Variants in BFAR observed in about 807,000 individuals in gnomAD.
The protein encoded by BFAR is RING finger protein 47.
BFAR carries 52 observed loss-of-function variants against 54.4 expected under a neutral mutation model. That is an observed-to-expected ratio of 0.96 (90% CI 0.77 to 1.21). The LOEUF (loss-of-function observed/expected upper bound fraction) is 1.21, where lower values mean the gene tolerates loss of function less well. Among genes scored for constraint, BFAR ranks in the 50% most tolerant of loss-of-function variants. The pLI is 0.00. For synonymous variants in BFAR, 215 were observed against 204.3 expected (o/e 1.05, Z -0.45); for missense variants, 571 against 534.0 (o/e 1.07, Z -0.68).
intron 5 of BFAR, 83 bp from the exon 6 acceptor site, chr16:14,661,809 A>G (rs2151844054): frequency 1.3e-6 from 2 of 1,490,098 alleles, no homozygotes; most frequent in East Asian, 4.5e-5. Flanking sequence ...GGCTGATGGC[A>G]ACAAGCGAGA....
chr16:14,635,532 G>A (rs1454533177), intron 1 of BFAR, among the ~76,000 whole-genome samples: 2 of 151,936 alleles, frequency 1.3e-5, no homozygotes, highest in Non-Finnish European at 2.9e-5. Context: ...AATGAAAGAG[G>A]GCAGGCTCCA....
At chr16:14,654,330 A>G (rs777348660) in intron 4 of BFAR, among the ~76,000 whole-genome samples, 5 of 151,820 alleles carry the variant, frequency 3.3e-5, no homozygotes, top group Admixed American at 1.3e-4. Flanking sequence ...AATTTTTCCT[A>G]TACATACACA....
chr16:14,647,479 A>T (rs1959835181), intron 2 of BFAR, among the ~76,000 whole-genome samples: 2 of 151,862 alleles, frequency 1.3e-5, no homozygotes, highest in South Asian at 2.1e-4. Flanking sequence ...GGCGGATCTC[A>T]TGAGGCCAGG....
chr16:14,651,973 G>A (rs1335877036), intron 4 of BFAR, among the ~76,000 whole-genome samples: 1 of 139,102 alleles, frequency 7.2e-6, no homozygotes. Flanking sequence ...TGCAACCTCC[G>A]CCTCCTGGGT....
Position 14,668,001 on chromosome 16 carries a change from C to G in BFAR, c.*174C>G. On this transcript the variant is annotated 3_prime_UTR_variant, in exon 8 of 8. Transcript: ENST00000261658. Reference sequence around the variant, plus strand: ...TCTCCCCCTCAGCCTGTGGGTGGCACGAGCAAGGACTGACATCCGCACAGG... The same window carrying G: ...TCTCCCCCTCAGCCTGTGGGTGGCAGGAGCAAGGACTGACATCCGCACAGG... The G allele has an allele frequency of 3.1e-6, 2 of 653,694 alleles. No individual in the cohort carries two copies. The highest frequency in any genetic ancestry group is 4.3e-5 in the South Asian group (2 of 46,962). 40.5% of individuals were successfully genotyped at this position (653,694 alleles called of 1,614,324 possible). A position where few individuals can be genotyped will look rare whatever the true frequency, so the allele number is the denominator to read the frequency against.
chr16:14,641,071 C>A (rs925092478), intron 1 of BFAR, among the ~76,000 whole-genome samples: 2 of 152,174 alleles, frequency 1.3e-5, no homozygotes, highest in Non-Finnish European at 2.9e-5. Flanking sequence ...TAGATTTTTC[C>A]AAACCCAGTC....
Position 14,668,874 on chromosome 16 carries a change from G to A in BFAR, c.*1047G>A, listed in dbSNP as rs1209025595. ...AAATCATCTGTAAAATAAATTCCGG[G>A]ATAGTCGTTTTGTTCAAGGAAATGT... On this transcript the variant is annotated 3_prime_UTR_variant, in exon 8 of 8. Coordinates refer to ENST00000261658, the MANE Select transcript of BFAR (RefSeq NM_016561.3). The A allele has an allele frequency of 6.0e-6, 1 of 166,650 alleles. No individual in the cohort carries two copies. The allele number at this position is 166,650 out of a possible 1,614,324, so 10.3% of individuals were successfully genotyped here. A position where few individuals can be genotyped will look rare whatever the true frequency, so the allele number is the denominator to read the frequency against.
In BFAR at chr16:14,655,486, CT is replaced by C. The variant is rs1194596499; in HGVS notation, c.783+290del. ...ACCCTACCCAGCTAATTTTTTCTTT[CT>C]TTTTTTTTTTTTTCTGGCTCACTGC... On this transcript the variant is annotated intron_variant, in intron 5 of 7. Transcript: ENST00000261658. Among the ~76,000 whole-genome samples, 904 of 139,742 alleles carry C rather than the reference CT, an allele frequency of 6.5e-3. 6 individuals carry two copies. Among genetic ancestry groups the C allele is most frequent in the African/African-American group, 0.011 (405 of 38,490 alleles). 91.7% of individuals were successfully genotyped at this position (139,742 alleles called of 152,430 possible). A position where few individuals can be genotyped will look rare whatever the true frequency, so the allele number is the denominator to read the frequency against.
Position 14,662,214 on chromosome 16 carries a change from C to G in BFAR, c.957+149C>G. ...GGTCATTTGAGAGTAATATCCTTTG[C>G]TTTGCTTCTCTTGGGGCCAGTACTT... On this transcript the variant is annotated intron_variant, in intron 6 of 7. Transcript: ENST00000261658. 6.6e-6 allele frequency: 6 copies of G among 907,688 alleles called. No homozygotes were observed. The South Asian group carries it at 9.8e-5, about 15-fold the overall frequency. The allele number at this position is 907,688 out of a possible 1,614,324, so 56.2% of individuals were successfully genotyped here.
chr16:14,663,777 T>C (rs750757103), intron 6 of BFAR, among the ~76,000 whole-genome samples: 14 of 152,140 alleles, frequency 9.2e-5, no homozygotes, highest in Non-Finnish European at 1.8e-4. Flanking sequence ...ATAGCCAATG[T>C]TGAATTTAGG....
intron 1 of BFAR, among the ~76,000 whole-genome samples, chr16:14,637,805 G>A (rs772795978): frequency 1.5e-4 from 22 of 151,654 alleles, no homozygotes; most frequent in Admixed American, 4.6e-4. Context: ...CTCCAGCCTG[G>A]GTGACAGAGC....
chr16:14,644,666 TGC>T, intron 2 of BFAR, 57 bp downstream of exon 2: 8 of 1,517,690 alleles, frequency 5.3e-6, no homozygotes, highest in South Asian at 2.5e-5. Flanking sequence ...GTTTCTCTCT[TGC>T]TTTTTTTTTT....
chr16:14,666,582 C>A (rs1401790206), intron 7 of BFAR, among the ~76,000 whole-genome samples: 1 of 151,858 alleles, frequency 6.6e-6, no homozygotes. Context: ...AAAAAACCCC[C>A]AAAAACTTAG....
chr16:14,652,271 T>A (rs1214942536), intron 4 of BFAR, among the ~76,000 whole-genome samples: 1 of 151,782 alleles, frequency 6.6e-6, no homozygotes, highest in Non-Finnish European at 1.5e-5. Context: ...TAACACCACA[T>A]TAATATATAT....
At chr16:14,644,140 G>A in intron 1 of BFAR, 134 bp from the exon 2 acceptor site, 1 of 590,802 alleles carries the variant, frequency 1.7e-6, no homozygotes, top group Non-Finnish European at 2.9e-6. Context: ...TCCATCCTGG[G>A]CCAGAGAGCA....
At chr16:14,655,673 C>T (rs973021291) in intron 5 of BFAR, among the ~76,000 whole-genome samples, 4 of 151,996 alleles carry the variant, frequency 2.6e-5, no homozygotes, top group Non-Finnish European at 5.9e-5. Context: ...CTCAGGTGAT[C>T]CACCTGCCTC....
chr16:14,633,160 C>G (rs947946892), intron 1 of BFAR, 142 bp downstream of exon 1: 1 of 152,374 alleles, frequency 6.6e-6, no homozygotes, highest in Non-Finnish European at 1.5e-5. Flanking sequence ...TCTCCTCACG[C>G]AGGCCCGAGT....
chr16:14,634,771 C>T (rs1959381310), intron 1 of BFAR, among the ~76,000 whole-genome samples: 1 of 152,140 alleles, frequency 6.6e-6, no homozygotes, highest in Non-Finnish European at 1.5e-5. Flanking sequence ...AATCGTGACG[C>T]GATTTGGAAC....
chr16:14,665,220 T>C, intron 7 of BFAR, 149 bp downstream of exon 7: 1 of 741,316 alleles, frequency 1.3e-6, no homozygotes, highest in South Asian at 1.9e-5. Context: ...GCTTAAGCAG[T>C]GAATAGGACA....
Sources: gnomAD v4.1 joint callset for allele counts (sites outside exome capture counted in the v4.1 genomes callset) on GRCh38, gnomAD v4.1.1 for gene constraint, MANE v1.5 for transcripts, NCBI Gene and HGNC (gene_info 2026-07-23, HGNC 2026-07-21) for gene names.